The following ETFA variants were observed in gnomAD, a reference collection of about 807,000 sequenced individuals.
ETFA encodes the protein electron transfer flavoprotein subunit alpha, mitochondrial.
In ETFA, 22 loss-of-function variants were observed where a neutral mutation model predicts 46.2. That is an observed-to-expected ratio of 0.48 (90% CI 0.34 to 0.68). ETFA has a LOEUF of 0.68. Ranked by LOEUF, ETFA falls within the 30% of genes least tolerant of loss-of-function variation. The probability of loss-of-function intolerance (pLI) is 0.01; values close to 1 mark genes in which losing one functional copy is unlikely to be tolerated. For synonymous variants in ETFA, 131 were observed against 139.9 expected, an observed-to-expected ratio of 0.94 and a Z score of 0.45; for missense variants, 345 against 401.1, an observed-to-expected ratio of 0.86 and a Z score of 1.19.
chr15:76,260,732 A>C, intron 9 of ETFA: 2 of 1,606,418 alleles, frequency 1.2e-6, no homozygotes, highest in Non-Finnish European at 8.5e-7. Context: ...GGTTTTGGGG[A>C]GCGCTGGCTG....
At chr15:76,279,333 T>G (rs11856470) in intron 8 of ETFA, among the ~76,000 whole-genome samples, 14,664 of 152,170 alleles carry the variant, frequency 0.096, 868 homozygotes, top group Middle Eastern at 0.15. Flanking sequence ...TGGAGTGCAG[T>G]GGCATAATTA....
At chr15:76,298,637 T>G (rs539448085) in intron 1 of ETFA, among the ~76,000 whole-genome samples, 1 of 152,124 alleles carries the variant, frequency 6.6e-6, no homozygotes, top group South Asian at 2.1e-4. Context: ...GGAAGCAGAG[T>G]CAGGTTATTC....
rs200910058 is a variant in ETFA at position 76,286,345 on chromosome 15, C to T, written c.562+26G>A. 428 of 1,424,546 alleles carry T rather than the reference C, an allele frequency of 3.0e-4. 1 individual carries two copies. In the African/African-American group the frequency reaches 4.6e-3, roughly 15 times the overall value. 88.2% of individuals were successfully genotyped at this position (1,424,546 alleles called of 1,614,324 possible). ...TGAATTAAAAAAGTAAGAAACAAAACAAAAAAACTCCAAATGAACACTCAC... is the reference window on the plus strand; with the variant it reads ...TGAATTAAAAAAGTAAGAAACAAAATAAAAAAACTCCAAATGAACACTCAC... On this transcript the variant is annotated intron_variant, in intron 6 of 11. Coordinates refer to ENST00000557943, the MANE Select transcript of ETFA (RefSeq NM_000126.4).
intron 9 of ETFA, among the ~76,000 whole-genome samples, chr15:76,262,540 T>C (rs1435908946): frequency 1.5e-5 from 2 of 132,718 alleles, no homozygotes; most frequent in African/African-American, 5.5e-5. Context: ...TGGAATGCAG[T>C]GGTGCAATCT....
chr15:76,263,471 C>A (rs1458512482), intron 9 of ETFA, among the ~76,000 whole-genome samples: 8 of 152,232 alleles, frequency 5.3e-5, no homozygotes. Context: ...ACCAGGGTAA[C>A]AATGGGATGA....
intron 9 of ETFA, among the ~76,000 whole-genome samples, chr15:76,232,396 T>A (rs1233817251): frequency 1.3e-5 from 2 of 152,192 alleles, no homozygotes; most frequent in Non-Finnish European, 2.9e-5. Context: ...CTGGCCTGGG[T>A]AGGAGGTATA....
In ETFA at chr15:76,226,221, A is replaced by G. The variant is rs1232016869; in HGVS notation, c.883-292T>C. 3.8e-5 allele frequency: 12 copies of G among 319,710 alleles called. No individual in the cohort carries two copies. In the East Asian group the frequency reaches 8.2e-4, roughly 22 times the overall value. The allele number at this position is 319,710 out of a possible 1,614,324, so 19.8% of individuals were successfully genotyped here. On this transcript the variant is annotated intron_variant, in intron 10 of 11. Transcript: ENST00000557943. The stretch of plus-strand genomic sequence containing the variant: ...ATATTTGATTTTAGGTGAAAAAGTA[A>G]CAAATCTATACCCAAATCCACAGCC...
intron 1 of ETFA, among the ~76,000 whole-genome samples, chr15:76,296,859 T>C (rs1223169600): frequency 6.6e-6 from 1 of 152,188 alleles, no homozygotes; most frequent in Non-Finnish European, 1.5e-5. Context: ...GTTTTTCAAA[T>C]AATGAAGAGA....
intron 1 of ETFA, among the ~76,000 whole-genome samples, chr15:76,309,394 T>C (rs905837540): frequency 6.6e-6 from 1 of 152,166 alleles, no homozygotes; most frequent in Non-Finnish European, 1.5e-5. Context: ...GAGCTTGCAG[T>C]GAGCTGAGAT....
At chr15:76,298,408 A>G (rs1009152015) in intron 1 of ETFA, among the ~76,000 whole-genome samples, 2 of 152,160 alleles carry the variant, frequency 1.3e-5, no homozygotes, top group Non-Finnish European at 2.9e-5. Context: ...GAGCCACCAC[A>G]TGGGATAAGG....
chr15:76,255,571 T>G (rs1407532804), intron 9 of ETFA, among the ~76,000 whole-genome samples: 1 of 152,212 alleles, frequency 6.6e-6, no homozygotes. Context: ...TAAACATGAA[T>G]ATGAAGATAA....
intron 1 of ETFA, among the ~76,000 whole-genome samples, chr15:76,301,354 C>T (rs1336867299): frequency 1.3e-5 from 2 of 152,186 alleles, no homozygotes; most frequent in Admixed American, 1.3e-4. Flanking sequence ...ACCACTATAA[C>T]CCTAGACTCC....
In ETFA at chr15:76,292,631, C is replaced by G. The variant is rs372473532; in HGVS notation, c.256G>C (p.Gly86Arg). The G allele has an allele frequency of 9.3e-6, 15 of 1,613,360 alleles. No homozygotes were observed. Among genetic ancestry groups the G allele is most frequent in the Non-Finnish European group, 5.1e-6 (6 of 1,179,392 alleles). The change falls in exon 3 of 12, where the codon GGC becomes CGC. Residue 86 changes from glycine to arginine, a missense_variant. Transcript: ENST00000557943. ...VLVAQHDVYK[G>R]LLPEELTPLI... ...TGGAAAACCTCACCTGGAAGTAGGC[C>G]TTTGTACACATCATGCTGAGCCACC...
intron 9 of ETFA, among the ~76,000 whole-genome samples, chr15:76,258,632 C>T (rs11636851): frequency 0.26 from 39,712 of 152,190 alleles, 5,856 homozygotes; most frequent in East Asian, 0.56. Context: ...AGCAGCTCAG[C>T]GGGACGGTAG....
At chr15:76,244,133 C>T (rs990457857) in intron 9 of ETFA, among the ~76,000 whole-genome samples, 1 of 152,168 alleles carries the variant, frequency 6.6e-6, no homozygotes, top group African/African-American at 2.4e-5. Context: ...GATTTGCCCG[C>T]CTCAGCCTCC....
intron 9 of ETFA, among the ~76,000 whole-genome samples, chr15:76,270,516 C>T (rs532222218): frequency 6.6e-6 from 1 of 152,272 alleles, no homozygotes; most frequent in East Asian, 1.9e-4. Flanking sequence ...CATTCTCTAG[C>T]TTTTTTCACT....
At chr15:76,269,288 C>T (rs1305731763) in intron 9 of ETFA, among the ~76,000 whole-genome samples, 1 of 152,148 alleles carries the variant, frequency 6.6e-6, no homozygotes, top group Non-Finnish European at 1.5e-5. Flanking sequence ...GCATGTCTGA[C>T]ATAATATAAA....
intron 11 of ETFA, among the ~76,000 whole-genome samples, chr15:76,220,523 C>T (rs1014381965): frequency 6.6e-6 from 1 of 152,108 alleles, no homozygotes; most frequent in African/African-American, 2.4e-5. Context: ...TTAAAGGACA[C>T]CATTAAGAAA....
intron 9 of ETFA, among the ~76,000 whole-genome samples, chr15:76,267,947 A>G (rs1286800147): frequency 6.6e-6 from 1 of 152,062 alleles, no homozygotes; most frequent in African/African-American, 2.4e-5. Flanking sequence ...CTGAAGATCT[A>G]TCATGAGCCA....
Sources: allele counts gnomAD v4.1 joint callset (sites outside exome capture counted in the v4.1 genomes callset), GRCh38; gene constraint gnomAD v4.1.1; transcripts MANE v1.5; gene names NCBI Gene and HGNC (gene_info 2026-07-23, HGNC 2026-07-21).